Variants in ANKIB1 observed in about 807,000 individuals in gnomAD.
ANKIB1 encodes ankyrin repeat and IBR domain-containing protein 1.
A neutral mutation model predicts 122.1 loss-of-function variants in ANKIB1; 43 were observed. The ratio of observed to expected loss-of-function variants is 0.35; its 90% confidence interval spans 0.28 to 0.45. ANKIB1 has a LOEUF of 0.45. ANKIB1 is among the 20% of genes least tolerant of loss of function. The pLI is 1.00. For missense variants in ANKIB1, 992 were observed against 1,329.5 expected, an observed-to-expected ratio of 0.75 and a Z score of 3.95; for synonymous variants, 390 against 442.0, an observed-to-expected ratio of 0.88 and a Z score of 1.48.
rs1246611522 is a variant in ANKIB1 at position 92,334,060 on chromosome 7, ATTGT to A, written c.787+6164_787+6167del. ...ACTTTTAATGACTATATGTAAGAAA[ATTGT>A]TTGGATGTGCTAAGCTAAAGCAAAT... is the stretch of plus-strand genomic sequence containing the variant. On this transcript the variant is annotated intron_variant, in intron 5 of 19. Coordinates refer to ENST00000265742, the MANE Select transcript of ANKIB1 (RefSeq NM_019004.2). Among the ~76,000 whole-genome samples the A allele has an allele frequency of 3.9e-5, 6 of 152,228 alleles. No homozygotes were observed. In the East Asian group the frequency reaches 1.2e-3, roughly 29 times the overall value.
intron 1 of ANKIB1, among the ~76,000 whole-genome samples, chr7:92,254,058 A>G (rs1027516375): frequency 2.6e-5 from 4 of 152,174 alleles, no homozygotes; most frequent in Non-Finnish European, 1.5e-5. Flanking sequence ...AGGAAGCACT[A>G]GATGTGTCTT....
intron 1 of ANKIB1, among the ~76,000 whole-genome samples, chr7:92,294,144 A>G (rs1209776511): frequency 2.0e-5 from 3 of 152,220 alleles, no homozygotes; most frequent in Non-Finnish European, 2.9e-5. Context: ...ACATTGCTTC[A>G]GTAGTAAATA....
chr7:92,264,450 T>C lies in ANKIB1; in HGVS notation c.-91+17931T>C, dbSNP rs117685469. ...TCTTGCCCTGTCACCCAGGGTGGAG[T>C]GCAGTGGCGTGTTGTCGGCTCACCA... On this transcript the variant is annotated intron_variant, in intron 1 of 19. Coordinates refer to ENST00000265742, the MANE Select transcript of ANKIB1 (RefSeq NM_019004.2). 7.4e-3 allele frequency among the ~76,000 whole-genome samples: 1,120 copies of C among 152,002 alleles called. 7 individuals are homozygous for C. The highest frequency in any genetic ancestry group is 0.011 in the Non-Finnish European group (775 of 67,974).
intron 1 of ANKIB1, 145 bp from the exon 2 acceptor site, chr7:92,294,744 C>T (rs1802316426): frequency 2.3e-6 from 1 of 427,762 alleles, no homozygotes; most frequent in Non-Finnish European, 4.1e-6. Flanking sequence ...ATTTTTTTGG[C>T]TGTTAAGATA....
chr7:92,266,146 G>A (rs1270032781), intron 1 of ANKIB1, among the ~76,000 whole-genome samples: 1 of 152,180 alleles, frequency 6.6e-6, no homozygotes, highest in Non-Finnish European at 1.5e-5. Context: ...TGGTATCTTG[G>A]TAGCTGAAAC....
chr7:92,374,976 CT>C (rs1239509492), intron 11 of ANKIB1, among the ~76,000 whole-genome samples: 1 of 150,368 alleles, frequency 6.7e-6, no homozygotes, highest in Admixed American at 6.6e-5. Flanking sequence ...TTCCAGACCA[CT>C]GCAGTGAAGC....
intron 1 of ANKIB1, 95 bp downstream of exon 1, chr7:92,246,614 T>A (rs1157605064): frequency 2.1e-6 from 1 of 467,148 alleles, no homozygotes; most frequent in African/African-American, 2.0e-5. Context: ...CCCTCCCGGA[T>A]CTACTAGGAG....
rs1804928326 is a variant in ANKIB1, at chr7:92,397,630, G to T, written c.2396-93G>T. 7 of 1,421,594 alleles carry T rather than the reference G, an allele frequency of 4.9e-6. No individual in the cohort carries two copies. In the East Asian group the frequency reaches 1.6e-4, roughly 33 times the overall value. 88.1% of individuals were successfully genotyped at this position (1,421,594 alleles called of 1,614,324 possible). Reference sequence around the variant, plus strand: ...ACAGGTTTTCCCCAGCACTGAAAGAGAAATTGCCCATCTAAACAACCAGAT... The same window carrying T: ...ACAGGTTTTCCCCAGCACTGAAAGATAAATTGCCCATCTAAACAACCAGAT... On this transcript the variant is annotated intron_variant, in intron 18 of 19. Coordinates refer to ENST00000265742, the MANE Select transcript of ANKIB1 (RefSeq NM_019004.2).
intron 11 of ANKIB1, among the ~76,000 whole-genome samples, chr7:92,376,176 T>C (rs945999198): frequency 1.3e-5 from 2 of 152,196 alleles, no homozygotes; most frequent in African/African-American, 4.8e-5. Context: ...GAATGGTAAA[T>C]GAGCATTGGC....
intron 12 of ANKIB1, 38 bp downstream of exon 12, chr7:92,386,681 C>A: frequency 6.7e-7 from 1 of 1,483,864 alleles, no homozygotes; most frequent in Non-Finnish European, 9.0e-7. Flanking sequence ...TCTCTCTAAA[C>A]CGCTCACTGC....
At chr7:92,273,768 A>AT (rs1051783855) in intron 1 of ANKIB1, among the ~76,000 whole-genome samples, 4 of 148,830 alleles carry the variant, frequency 2.7e-5, no homozygotes, top group Non-Finnish European at 3.0e-5. Flanking sequence ...TCAGACAGCT[A>AT]TTTTTTTTCT....
chr7:92,262,808 A>G (rs1801592236), intron 1 of ANKIB1, among the ~76,000 whole-genome samples: 1 of 152,182 alleles, frequency 6.6e-6, no homozygotes, highest in African/African-American at 2.4e-5. Context: ...CAGCTGTGTG[A>G]TTCTAGGCAA....
intron 1 of ANKIB1, among the ~76,000 whole-genome samples, chr7:92,283,194 TTATG>T (rs1802046208): frequency 1.3e-5 from 2 of 152,222 alleles, no homozygotes; most frequent in Admixed American, 1.3e-4. Context: ...ACTTTTGTGT[TTATG>T]TAGCCATTTT....
At chr7:92,328,910 T>C (rs1463220519) in intron 5 of ANKIB1, among the ~76,000 whole-genome samples, 1 of 148,386 alleles carries the variant, frequency 6.7e-6, no homozygotes, top group Admixed American at 6.8e-5. Flanking sequence ...AAAACATATA[T>C]ATGGAATATA....
rs368944833 is a variant in ANKIB1 at position 92,382,988 on chromosome 7, C to T, written c.1618-3521C>T. ...GAAAAGATCAACAAAATTGATAGAC[C>T]GCTAGCAAGACTAATAAAGAAGAAA... On this transcript the variant is annotated intron_variant, in intron 11 of 19. Coordinates refer to ENST00000265742, the MANE Select transcript of ANKIB1 (RefSeq NM_019004.2). Among the ~76,000 whole-genome samples the T allele has an allele frequency of 3.7e-4, 56 of 151,932 alleles. 1 individual carries two copies. Among genetic ancestry groups the T allele is most frequent in the African/African-American group, 1.1e-3 (47 of 41,426 alleles).
intron 1 of ANKIB1, among the ~76,000 whole-genome samples, chr7:92,267,471 T>C (rs1007765848): frequency 1.3e-5 from 2 of 152,328 alleles, no homozygotes; most frequent in Admixed American, 6.5e-5. Context: ...AGGTGAATCA[T>C]GTAGTATATG....
At chr7:92,396,575 G>T in intron 18 of ANKIB1, 99 bp downstream of exon 18, 1 of 647,848 alleles carries the variant, frequency 1.5e-6, no homozygotes, top group Non-Finnish European at 2.8e-6. Flanking sequence ...TTGTCATTTA[G>T]ATATACAATA....
intron 1 of ANKIB1, among the ~76,000 whole-genome samples, chr7:92,250,071 A>T (rs1327174469): frequency 6.6e-6 from 1 of 152,266 alleles, no homozygotes; most frequent in East Asian, 1.9e-4. Context: ...TCCTAATTTC[A>T]TAAGGTACTA....
At chr7:92,385,367 G>C (rs554645794) in intron 11 of ANKIB1, among the ~76,000 whole-genome samples, 34 of 152,178 alleles carry the variant, frequency 2.2e-4, no homozygotes, top group East Asian at 7.7e-4. Context: ...TTGATCCAGC[G>C]ATCCCATTAC....
Sources: gnomAD v4.1 joint callset for allele counts (sites outside exome capture counted in the v4.1 genomes callset) on GRCh38, gnomAD v4.1.1 for gene constraint, MANE v1.5 for transcripts, NCBI Gene and HGNC (gene_info 2026-07-23, HGNC 2026-07-21) for gene names.